HMCN2: variants seen among roughly 807,000 people sequenced by gnomAD.
HMCN2 encodes hemicentin-2.
HMCN2 carries 325 observed loss-of-function variants against 377.5 expected under a neutral mutation model. The observed-to-expected ratio is 0.86, with a 90% confidence interval of 0.79 to 0.94. The LOEUF (loss-of-function observed/expected upper bound fraction) is 0.94. Ranked by LOEUF, HMCN2 falls within the 40% of genes least tolerant of loss-of-function variation. The probability of loss-of-function intolerance (pLI) is 0.00; values close to 1 mark genes in which losing one functional copy is unlikely to be tolerated. For missense variants in HMCN2, 4,543 were observed against 4,725.3 expected (o/e 0.96, Z 1.13); for synonymous variants, 2,007 against 2,046.8 (o/e 0.98, Z 0.53).
At chr9:130,431,634 G>C in intron 96 of HMCN2, 148 bp downstream of exon 96, 1 of 1,232,800 alleles carries the variant, frequency 8.1e-7, no homozygotes, top group Non-Finnish European at 1.1e-6. Flanking sequence ...GCTCAGAGGG[G>C]TTCTGTGAAC....
rs1245603035 is a variant in HMCN2 at position 130,295,779 on chromosome 9, G to C, written c.891+7G>C. On this transcript the variant is annotated splice_region_variant and intron_variant, in intron 6 of 97. Coordinates refer to ENST00000683500, the MANE Select transcript of HMCN2 (RefSeq NM_001291815.2). ...GGGGCTGTGGTCCATCAAGGTAGGGGCACTGGGTTGCAGGAGAAAGGTCGA... is the reference window on the plus strand; with the variant it reads ...GGGGCTGTGGTCCATCAAGGTAGGGCCACTGGGTTGCAGGAGAAAGGTCGA... 6.4e-6 allele frequency: 3 copies of C among 470,572 alleles called. No individual in the cohort carries two copies. The highest frequency in any genetic ancestry group is 1.3e-5 in the Non-Finnish European group (3 of 226,864). 29.1% of individuals were successfully genotyped at this position (470,572 alleles called of 1,614,324 possible). A position where few individuals can be genotyped will look rare whatever the true frequency, so the allele number is the denominator to read the frequency against.
chr9:130,295,036 A>C lies in HMCN2; in HGVS notation c.784+10A>C. On this transcript the variant is annotated intron_variant, in intron 5 of 97. Coordinates refer to ENST00000683500, the MANE Select transcript of HMCN2 (RefSeq NM_001291815.2). ...GTCCAAGATCCGCTGGGTATGGACC[A>C]CCCCGGGGCTGGCCTCCTCTTTGGC... 2.2e-6 allele frequency: 1 copy of C among 453,314 alleles called. No homozygotes were observed. The highest frequency in any genetic ancestry group is 4.6e-6 in the Non-Finnish European group (1 of 217,184). The allele number at this position is 453,314 out of a possible 1,614,324, so 28.1% of individuals were successfully genotyped here. A position where few individuals can be genotyped will look rare whatever the true frequency, so the allele number is the denominator to read the frequency against.
intron 22 of HMCN2, among the ~76,000 whole-genome samples, chr9:130,336,104 TGA>T (rs1242954819): frequency 1.3e-5 from 2 of 149,592 alleles, no homozygotes; most frequent in African/African-American, 4.9e-5. Context: ...AGTGAGTGAG[TGA>T]GAGAGAGAGA....
intron 73 of HMCN2, among the ~76,000 whole-genome samples, chr9:130,396,733 G>A (rs1842625289): frequency 6.6e-6 from 1 of 152,154 alleles, no homozygotes; most frequent in Non-Finnish European, 1.5e-5. Context: ...AAATTCCCAG[G>A]GCACAGAATG....
chr9:130,333,558 C>T (rs924533863), intron 22 of HMCN2, among the ~76,000 whole-genome samples: 3 of 152,236 alleles, frequency 2.0e-5, no homozygotes, highest in Non-Finnish European at 4.4e-5. Flanking sequence ...CTGGGCGCTG[C>T]GTGGAGCCAT....
chr9:130,412,991 T>C (rs975581078), intron 85 of HMCN2, among the ~76,000 whole-genome samples: 31 of 152,234 alleles, frequency 2.0e-4, no homozygotes, highest in African/African-American at 6.0e-4. Context: ...GATAGCCAAT[T>C]GTTCCAGTAC....
chr9:130,420,296 T>C (rs1843929416), intron 86 of HMCN2, among the ~76,000 whole-genome samples: 5 of 151,908 alleles, frequency 3.3e-5, no homozygotes, highest in Admixed American at 2.6e-4. Context: ...GGATGGTGTC[T>C]ATCTCCTGAC....
At chr9:130,390,395 C>A (rs574033534) in intron 62 of HMCN2, among the ~76,000 whole-genome samples, 2 of 152,316 alleles carry the variant, frequency 1.3e-5, no homozygotes, top group Admixed American at 1.3e-4. Flanking sequence ...ATCTTGATTC[C>A]CAGGCTCTGC....
chr9:130,432,494 G>A lies in HMCN2; in HGVS notation c.14833G>A (p.Gly4945Ser), dbSNP rs1844819820. 1.8e-5 allele frequency: 28 copies of A among 1,550,700 alleles called. No homozygotes were observed. Among genetic ancestry groups the A allele is most frequent in the Non-Finnish European group, 2.4e-5 (28 of 1,147,008 alleles). ...GPGQMCFNTR[G>S]SYQCVDTPCP... Reference sequence around the variant, plus strand: ...CGGCCAGATGTGCTTCAACACCCGTGGCAGCTACCAGTGTGTGGACACACC... The same window carrying A: ...CGGCCAGATGTGCTTCAACACCCGTAGCAGCTACCAGTGTGTGGACACACC... The change falls in exon 97 of 98, where the codon GGC (glycine) becomes AGC (serine). Residue 4945 changes from glycine (G) to serine (S), a missense_variant. Gly to Ser is a moderately conservative substitution (Grantham distance 56, BLOSUM62 0). This residue lies in a region of HMCN2 where 1,155 missense variants were observed against 1,157.7 expected (regional missense o/e 1.00). Coordinates refer to ENST00000683500, the MANE Select transcript of HMCN2 (RefSeq NM_001291815.2).
intron 97 of HMCN2, 84 bp downstream of exon 97, chr9:130,432,639 G>A (rs1200455406): frequency 8.6e-6 from 12 of 1,397,450 alleles, no homozygotes; most frequent in South Asian, 3.9e-5. Context: ...CCCTGTCATT[G>A]TCACTCCCCA....
At chr9:130,289,772 G>A (rs1835640130) in intron 4 of HMCN2, among the ~76,000 whole-genome samples, 1 of 152,144 alleles carries the variant, frequency 6.6e-6, no homozygotes, top group Non-Finnish European at 1.5e-5. Flanking sequence ...TAGGGCGAGT[G>A]CCCAGGGTGC....
chr9:130,302,240 G>A (rs1157437734), intron 8 of HMCN2, among the ~76,000 whole-genome samples: 2 of 152,062 alleles, frequency 1.3e-5, no homozygotes, highest in Non-Finnish European at 1.5e-5. Context: ...TAGAGACAGG[G>A]TTTCACCATG....
At chr9:130,328,201 C>T (rs1190916299) in intron 22 of HMCN2, among the ~76,000 whole-genome samples, 1 of 152,244 alleles carries the variant, frequency 6.6e-6, no homozygotes, top group African/African-American at 2.4e-5. Context: ...TCCTGCCAAT[C>T]CTTGCAGCCG....
chr9:130,271,132 TCAAGAGCA>T (rs370824960), intron 1 of HMCN2, among the ~76,000 whole-genome samples: 1,995 of 149,166 alleles, frequency 0.013, 157 homozygotes, highest in African/African-American at 0.015. Flanking sequence ...TCGTCTCATA[TCAAGAGCA>T]CACGCTATCA....
In HMCN2 at chr9:130,428,510, G is replaced by T. The variant is rs374453565; in HGVS notation, c.14197+21G>T. 122 of 1,537,044 alleles carry T rather than the reference G, an allele frequency of 7.9e-5. 1 individual carries two copies. The South Asian group carries it at 1.3e-3, about 16-fold the overall frequency. On this transcript the variant is annotated intron_variant, in intron 93 of 97. Transcript: ENST00000683500. The surrounding 1 kb of genome is among the most constrained non-coding windows in gnomAD (Gnocchi z 5.0). ...TGAAGGTGATGGGGGCACAGCATGC[G>T]GCCTGTCCATACTCCTGGAAACCCA...
intron 25 of HMCN2, among the ~76,000 whole-genome samples, chr9:130,342,949 C>G (rs1839138810): frequency 6.6e-6 from 1 of 152,220 alleles, no homozygotes; most frequent in Non-Finnish European, 1.5e-5. Context: ...GCGCCGAACC[C>G]TGCCCTGGCC....
Position 130,433,760 on chromosome 9 carries a change from C to A in HMCN2, c.*67C>A. On this transcript the variant is annotated 3_prime_UTR_variant, in exon 98 of 98. Transcript: ENST00000683500. ...GGAAGGGGTCGAGGAGAAGCTTGGTCCACGCCACCTGCTGTGGCAAGCGGA... is the reference window on the plus strand; with the variant it reads ...GGAAGGGGTCGAGGAGAAGCTTGGTACACGCCACCTGCTGTGGCAAGCGGA... 1 of 1,241,272 alleles carries A rather than the reference C, an allele frequency of 8.1e-7. No homozygotes were observed. Among genetic ancestry groups the A allele is most frequent in the Non-Finnish European group, 1.1e-6 (1 of 936,138 alleles). 76.9% of individuals were successfully genotyped at this position (1,241,272 alleles called of 1,614,324 possible).
At chr9:130,430,748 T>A (rs1844694311) in intron 95 of HMCN2, 144 bp downstream of exon 95, 9 of 732,978 alleles carry the variant, frequency 1.2e-5, no homozygotes, top group Non-Finnish European at 2.0e-5. Context: ...GATGGTGGCT[T>A]CTCCAATGCA....
At chr9:130,296,082 T>A (rs1230803010) in intron 6 of HMCN2, among the ~76,000 whole-genome samples, 1 of 152,086 alleles carries the variant, frequency 6.6e-6, no homozygotes, top group African/African-American at 2.4e-5. Flanking sequence ...CAACAGCAAC[T>A]TTGGTGGGAG....
Sources: allele counts gnomAD v4.1 joint callset (sites outside exome capture counted in the v4.1 genomes callset), GRCh38; gene constraint gnomAD v4.1.1; regional missense constraint gnomAD v4.1.1; non-coding constraint Gnocchi (gnomAD v3.1); transcripts MANE v1.5; gene names NCBI Gene and HGNC (gene_info 2026-07-23, HGNC 2026-07-21).